Variants in PP2D1 observed in about 807,000 individuals in gnomAD.
The protein encoded by PP2D1 is protein phosphatase 2C-like domain-containing protein 1.
A neutral mutation model predicts 30.2 loss-of-function variants in PP2D1; 25 were observed. The observed-to-expected ratio is 0.83, with a 90% CI of 0.60 to 1.16. PP2D1 has a LOEUF of 1.16. Among genes scored for constraint, PP2D1 ranks in the 50% most tolerant of loss-of-function variants. The pLI is 0.00. For missense variants in PP2D1, 760 were observed against 742.4 expected (o/e 1.02, Z -0.28); for synonymous variants, 260 against 258.9 (o/e 1.00, Z -0.04).
chr3:19,983,164 C>T (rs1294327980), downstream of PP2D1, among the ~76,000 whole-genome samples: 1 of 151,816 alleles, frequency 6.6e-6, no homozygotes, highest in Non-Finnish European at 1.5e-5. Flanking sequence ...TGGTGAAACC[C>T]CGTCTCTACT....
At chr3:19,992,224 C>G (rs1022608168) in intron 2 of PP2D1, among the ~76,000 whole-genome samples, 1 of 152,084 alleles carries the variant, frequency 6.6e-6, no homozygotes, top group Non-Finnish European at 1.5e-5. Flanking sequence ...GTCCATTGTT[C>G]ATTGCTCACC....
In PP2D1 at chr3:19,985,723, T is replaced by C. The variant is rs1293797744; in HGVS notation, c.1550A>G (p.Tyr517Cys). The C allele has an allele frequency of 2.6e-6, 4 of 1,535,986 alleles. No homozygotes were observed. Among genetic ancestry groups the C allele is most frequent in the South Asian group, 2.4e-5 (2 of 84,056 alleles). The change falls in exon 3 of 3, where the codon TAT (tyrosine) becomes TGT (cysteine). Residue 517 changes from tyrosine (Y) to cysteine (C), a missense_variant. This residue lies in a region of PP2D1 where 369 missense variants were observed against 316.2 expected (regional missense o/e 1.17). Coordinates refer to ENST00000389050, the MANE Select transcript of PP2D1 (RefSeq NM_001252657.2). ...SQSNIHVLFQYKSVSEVRVST... is the reference protein window; with the variant it reads ...SQSNIHVLFQCKSVSEVRVST... ...CACACGTACTTCAGATACAGATTTA[T>C]ACTGAAACAATACGTGGATATTACT... is the stretch of plus-strand genomic sequence containing the variant.
chr3:19,983,363 A>AAG (rs57790992), downstream of PP2D1, among the ~76,000 whole-genome samples: 1 of 150,778 alleles, frequency 6.6e-6, no homozygotes, highest in African/African-American at 2.4e-5. Context: ...AAAAAAAAAA[A>AAG]GAAGTAATAA....
At chr3:19,996,715 T>C (rs1441483691) in intron 2 of PP2D1, 1 of 142,430 alleles carries the variant, frequency 7.0e-6, no homozygotes, top group Non-Finnish European at 1.5e-5. Flanking sequence ...TCAAACAACA[T>C]ATTTTTTTTT....
rs967780707 is a variant in PP2D1, at chr3:20,001,209, A to G, written c.911T>C (p.Val304Ala). 11 of 1,534,212 alleles carry G rather than the reference A, an allele frequency of 7.2e-6. No homozygotes were observed. Among genetic ancestry groups the G allele is most frequent in the Non-Finnish European group, 9.6e-6 (11 of 1,146,210 alleles). ...GCAGCCACTCCATTGAACCCTGGAC[A>G]CTTCTTTTCTTCCAAGACCTAAAAG... ...DRLLGLGRKEVSRVQWSGCSA... is the reference protein window; with the variant it reads ...DRLLGLGRKEASRVQWSGCSA... The change falls in exon 2 of 3, where the codon GTG becomes GCG. Residue 304 changes from valine (V) to alanine (A), a missense_variant. Val to Ala is a moderately conservative substitution (Grantham distance 64). Around this residue, in one of 3 missense-constraint regions of PP2D1, gnomAD observed 374 missense variants for 388.8 expected, o/e 0.96. Coordinates refer to ENST00000389050, the MANE Select transcript of PP2D1 (RefSeq NM_001252657.2).
chr3:19,989,853 G>A (rs1286629784), intron 2 of PP2D1, among the ~76,000 whole-genome samples: 1 of 152,076 alleles, frequency 6.6e-6, no homozygotes, highest in Non-Finnish European at 1.5e-5. Flanking sequence ...AGGCCATTTA[G>A]CAAAAAGAAA....
downstream of PP2D1, among the ~76,000 whole-genome samples, chr3:19,982,399 T>A (rs1333143442): frequency 6.6e-6 from 1 of 152,200 alleles, no homozygotes; most frequent in Non-Finnish European, 1.5e-5. Flanking sequence ...GTATGCTAAG[T>A]TTTGACACAT....
chr3:19,985,342 T>C (rs1387412799), downstream of PP2D1: 3 of 1,352,298 alleles, frequency 2.2e-6, no homozygotes, highest in Non-Finnish European at 2.0e-6. Flanking sequence ...AGAATCACTT[T>C]ATATTTTGGT....
At chr3:20,002,130 G>A (rs1697264853) in intron 1 of PP2D1, 34 bp from the exon 2 acceptor site, 11 of 1,388,390 alleles carry the variant, frequency 7.9e-6, no homozygotes, top group East Asian at 2.5e-5. Context: ...TACATGCCAG[G>A]ATGATGCAGC....
intron 2 of PP2D1, among the ~76,000 whole-genome samples, chr3:19,990,343 G>A (rs1271711548): frequency 6.6e-6 from 1 of 152,088 alleles, no homozygotes; most frequent in Admixed American, 6.6e-5. Flanking sequence ...ACAGGCTTTC[G>A]CTATGTTGCC....
At chr3:19,989,920 C>T (rs188386257) in intron 2 of PP2D1, among the ~76,000 whole-genome samples, 2 of 151,954 alleles carry the variant, frequency 1.3e-5, no homozygotes, top group Non-Finnish European at 2.9e-5. Flanking sequence ...TATGTACTTA[C>T]AATGGAAGGA....
At chr3:19,980,781 A>T (rs1696910979), downstream of PP2D1, among the ~76,000 whole-genome samples, 1 of 152,184 alleles carries the variant, frequency 6.6e-6, no homozygotes, top group African/African-American at 2.4e-5. Context: ...AATGCTATTT[A>T]TGCTACCAGC....
Position 20,001,043 on chromosome 3 carries a change from A to T in PP2D1, c.1077T>A (p.His359Gln), listed in dbSNP as rs1289246225. 1.1e-5 allele frequency: 15 copies of T among 1,397,028 alleles called. No homozygotes were observed. The highest frequency in any genetic ancestry group is 1.2e-5 in the Non-Finnish European group (13 of 1,077,206). The allele number at this position is 1,397,028 out of a possible 1,614,324, so 86.5% of individuals were successfully genotyped here. Residue 359 changes from histidine (H) to glutamine (Q), a missense_variant, in exon 2 of 3, where the codon CAT becomes CAA. His to Gln is a conservative substitution (Grantham distance 24). Transcript: ENST00000389050. ...EMPKIISGILHVANTGNVQAV... is the reference protein window; with the variant it reads ...EMPKIISGILQVANTGNVQAV... Reference sequence around the variant, plus strand: ...CAATGTACATACCAGTGTTTGCAACATGTAATATTCCAGAAATTATTTTTG... The same window carrying T: ...CAATGTACATACCAGTGTTTGCAACTTGTAATATTCCAGAAATTATTTTTG...
At chr3:19,994,073 CA>C (rs1697149104) in intron 2 of PP2D1, among the ~76,000 whole-genome samples, 1 of 151,204 alleles carries the variant, frequency 6.6e-6, no homozygotes, top group African/African-American at 2.4e-5. Context: ...GTTTATGAAA[CA>C]GGAGACAAAA....
chr3:20,000,172 A>G (rs1207229524), intron 2 of PP2D1, among the ~76,000 whole-genome samples: 2 of 152,210 alleles, frequency 1.3e-5, no homozygotes, highest in Non-Finnish European at 2.9e-5. Context: ...AATTCCTATT[A>G]CTTCTGAGAC....
Position 20,001,172 on chromosome 3 carries a change from A to G in PP2D1, c.948T>C (p.Thr316=), listed in dbSNP as rs1365383236. Residue 316 remains threonine, a synonymous_variant, in exon 2 of 3, where the codon ACT becomes ACC. Coordinates refer to ENST00000389050, the MANE Select transcript of PP2D1 (RefSeq NM_001252657.2). ...TTTTAGGTTTGCCTTCCAATATACA[A>G]GTAACTGCAGAGCAGCCACTCCATT... ...RVQWSGCSAV[T]CILEGKPKSP... is the part of the protein sequence containing the mutation. 2.7e-6 allele frequency: 4 copies of G among 1,495,932 alleles called. No individual in the cohort carries two copies. In the African/African-American group the frequency reaches 5.6e-5, roughly 21 times the overall value. 92.7% of individuals were successfully genotyped at this position (1,495,932 alleles called of 1,614,324 possible).
At chr3:19,987,599 G>A (rs532987737) in intron 2 of PP2D1, among the ~76,000 whole-genome samples, 1 of 152,126 alleles carries the variant, frequency 6.6e-6, no homozygotes, top group South Asian at 2.1e-4. Flanking sequence ...AGTTTTTTAC[G>A]TATTTAGGCT....
intron 2 of PP2D1, among the ~76,000 whole-genome samples, chr3:19,986,747 T>G (rs1370724654): frequency 2.6e-5 from 4 of 151,582 alleles, no homozygotes; most frequent in Admixed American, 2.0e-4. Flanking sequence ...AAAATTTAAG[T>G]CAATCCGCCA....
At chr3:20,005,670 GTAGT>G (rs1461558508) in intron 1 of PP2D1, among the ~76,000 whole-genome samples, 1 of 151,964 alleles carries the variant, frequency 6.6e-6, no homozygotes, top group Non-Finnish European at 1.5e-5. Context: ...TAGATAGTTG[GTAGT>G]TAGATAAGAA....
Sources: gnomAD v4.1 joint callset for allele counts (sites outside exome capture counted in the v4.1 genomes callset) on GRCh38, gnomAD v4.1.1 for gene constraint, gnomAD v4.1.1 regional missense constraint, MANE v1.5 for transcripts, NCBI Gene and HGNC (gene_info 2026-07-23, HGNC 2026-07-21) for gene names.